PDE7B: variants seen among roughly 807,000 people sequenced by gnomAD.
The protein encoded by PDE7B is phosphodiesterase 7B, also known as 3',5'-cyclic-AMP phosphodiesterase 7B.
A neutral mutation model predicts 56.2 loss-of-function variants in PDE7B; 29 were observed. The ratio of observed to expected loss-of-function variants is 0.52; its 90% confidence interval spans 0.38 to 0.70. The LOEUF is 0.70. Among genes scored for constraint, PDE7B ranks in the 30% least tolerant of loss-of-function variants. PDE7B has a pLI of 0.00. For synonymous variants in PDE7B, 197 were observed against 196.9 expected (o/e 1.00, Z 0.00); for missense variants, 490 against 565.0 (o/e 0.87, Z 1.35).
intron 2 of PDE7B, among the ~76,000 whole-genome samples, chr6:136,027,180 C>A (rs1443355834): frequency 6.6e-6 from 1 of 152,226 alleles, no homozygotes; most frequent in East Asian, 1.9e-4. Context: ...AAATGAACTT[C>A]TGTTGTCGAA....
intron 1 of PDE7B, among the ~76,000 whole-genome samples, chr6:135,934,769 A>ATATTTAT: frequency 8.7e-6 from 1 of 114,968 alleles, no homozygotes; most frequent in African/African-American, 3.4e-5. Flanking sequence ...TTAAATATAT[A>ATATTTAT]TATATATTTA....
At chr6:135,855,503 G>A (rs557915675) in intron 1 of PDE7B, among the ~76,000 whole-genome samples, 1 of 152,102 alleles carries the variant, frequency 6.6e-6, no homozygotes, top group African/African-American at 2.4e-5. Flanking sequence ...TTCTATTTAG[G>A]TATTTATTTT....
At chr6:136,010,962 G>A (rs750050508) in intron 2 of PDE7B, among the ~76,000 whole-genome samples, 6 of 152,288 alleles carry the variant, frequency 3.9e-5, no homozygotes, top group African/African-American at 1.2e-4. Context: ...ACTTCATGCC[G>A]TGTGGGAAAT....
At chr6:136,149,925 A>C (rs1415961879) in intron 5 of PDE7B, among the ~76,000 whole-genome samples, 1 of 152,204 alleles carries the variant, frequency 6.6e-6, no homozygotes, top group Non-Finnish European at 1.5e-5. Context: ...GGACCTTTAC[A>C]GTGTGGAAAG....
At chr6:136,054,579 C>A (rs562340050) in intron 2 of PDE7B, among the ~76,000 whole-genome samples, 3 of 152,064 alleles carry the variant, frequency 2.0e-5, no homozygotes, top group Admixed American at 6.6e-5. Flanking sequence ...TAGTTTTTTC[C>A]AATTCTGTGA....
intron 2 of PDE7B, among the ~76,000 whole-genome samples, chr6:135,956,234 G>A (rs142040178): frequency 1.4e-3 from 215 of 152,246 alleles, no homozygotes; most frequent in African/African-American, 4.9e-3. Flanking sequence ...AATAGAGTGG[G>A]CAGAAAGATA....
chr6:136,141,402 A>G (rs1778323354), intron 3 of PDE7B, among the ~76,000 whole-genome samples: 1 of 152,200 alleles, frequency 6.6e-6, no homozygotes, highest in South Asian at 2.1e-4. Flanking sequence ...ATTGATGTTC[A>G]TCAGGAATAT....
chr6:136,143,222 TTA>T (rs903596803), intron 3 of PDE7B, among the ~76,000 whole-genome samples: 1 of 151,996 alleles, frequency 6.6e-6, no homozygotes, highest in African/African-American at 2.4e-5. Context: ...CCATCTGAGT[TTA>T]TGTTTCAAAG....
chr6:136,021,458 A>G (rs1356925884), intron 2 of PDE7B, among the ~76,000 whole-genome samples: 1 of 152,138 alleles, frequency 6.6e-6, no homozygotes, highest in East Asian at 1.9e-4. Flanking sequence ...CAGCCTGGCC[A>G]ACATGATGAG....
chr6:135,925,322 C>T (rs919493078), intron 1 of PDE7B, among the ~76,000 whole-genome samples: 2 of 151,852 alleles, frequency 1.3e-5, no homozygotes, highest in Non-Finnish European at 2.9e-5. Context: ...AGTTGAAATC[C>T]CTCACATTAT....
intron 2 of PDE7B, among the ~76,000 whole-genome samples, chr6:136,054,389 A>T (rs1293893837): frequency 6.6e-6 from 1 of 151,010 alleles, no homozygotes; most frequent in South Asian, 2.1e-4. Context: ...ATTGCTGAGG[A>T]CTCTGTTCTG....
At chr6:136,033,783 G>T (rs1776282214) in intron 2 of PDE7B, among the ~76,000 whole-genome samples, 1 of 151,976 alleles carries the variant, frequency 6.6e-6, no homozygotes, top group African/African-American at 2.4e-5. Flanking sequence ...TCTTCTACTT[G>T]GACTGTATAG....
chr6:136,038,588 C>T, intron 2 of PDE7B: 1 of 1,200,926 alleles, frequency 8.3e-7, no homozygotes, highest in South Asian at 1.5e-5. Flanking sequence ...AACTCCCTTT[C>T]TTTGTAGAGT....
intron 8 of PDE7B, among the ~76,000 whole-genome samples, chr6:136,163,302 T>A (rs1036959643): frequency 6.6e-6 from 1 of 152,258 alleles, no homozygotes; most frequent in Non-Finnish European, 1.5e-5. Context: ...CAACACCATG[T>A]GGAAGTCACT....
At chr6:135,903,467 T>A (rs1259385501) in intron 1 of PDE7B, among the ~76,000 whole-genome samples, 1 of 152,164 alleles carries the variant, frequency 6.6e-6, no homozygotes, top group Non-Finnish European at 1.5e-5. Context: ...TGAGCTAGAA[T>A]GAGGGGCACA....
chr6:136,053,216 C>G (rs900356468), intron 2 of PDE7B, among the ~76,000 whole-genome samples: 2 of 122,424 alleles, frequency 1.6e-5, no homozygotes, highest in African/African-American at 6.2e-5. Flanking sequence ...CCCCTCCCCC[C>G]ACCCCACAAC....
At chr6:135,906,827 T>TTTTTTTGTTTTTTTTTTTG (rs1562434150) in intron 1 of PDE7B, among the ~76,000 whole-genome samples, 2 of 133,454 alleles carry the variant, frequency 1.5e-5, no homozygotes, top group African/African-American at 2.8e-5. Context: ...TTTTTTTTTT[T>TTTTTTTGTTTTTTTTTTTG]TTTTTTTTTA....
Position 136,192,033 on chromosome 6 carries a change from G to T in PDE7B, c.*193G>T, listed in dbSNP as rs1384605246. 1.2e-5 allele frequency: 7 copies of T among 592,918 alleles called. No homozygotes were observed. The highest frequency in any genetic ancestry group is 2.1e-5 in the Non-Finnish European group (7 of 332,256). The allele number at this position is 592,918 out of a possible 1,614,324, so 36.7% of individuals were successfully genotyped here. On this transcript the variant is annotated 3_prime_UTR_variant, in exon 13 of 13. Coordinates refer to ENST00000308191, the MANE Select transcript of PDE7B (RefSeq NM_018945.4). Reference sequence around the variant, plus strand: ...TGTACAGAAGCCATTTGTCACCTCAGCATTCGCTGCCGAAATGAGCAACTC... The same window carrying T: ...TGTACAGAAGCCATTTGTCACCTCATCATTCGCTGCCGAAATGAGCAACTC...
chr6:136,052,012 T>A (rs1283799590), intron 2 of PDE7B, among the ~76,000 whole-genome samples: 1 of 151,668 alleles, frequency 6.6e-6, no homozygotes, highest in African/African-American at 2.4e-5. Context: ...TAAATAAAGA[T>A]TTAAATAGAT....
Sources: allele counts gnomAD v4.1 joint callset (sites outside exome capture counted in the v4.1 genomes callset), GRCh38; gene constraint gnomAD v4.1.1; transcripts MANE v1.5; gene names NCBI Gene and HGNC (gene_info 2026-07-23, HGNC 2026-07-21).